Variants in PPFIA2 observed in about 807,000 individuals in gnomAD.
PPFIA2 encodes PPFI scaffold protein A2.
PPFIA2 carries 46 observed loss-of-function variants against 175.5 expected under a neutral mutation model. The observed-to-expected ratio is 0.26, with a 90% CI of 0.21 to 0.34. The LOEUF is 0.34. Among genes scored for constraint, PPFIA2 ranks in the 10% least tolerant of loss-of-function variants. The pLI, the probability that PPFIA2 is intolerant of heterozygous loss-of-function variation, is 1.00. For synonymous variants in PPFIA2, 568 were observed against 511.4 expected, an observed-to-expected ratio of 1.11 and a Z score of -1.49; for missense variants, 1,179 against 1,506.1, an observed-to-expected ratio of 0.78 and a Z score of 3.60.
chr12:81,688,066 A>T (rs1347504215), intron 3 of PPFIA2, among the ~76,000 whole-genome samples: 1 of 152,020 alleles, frequency 6.6e-6, no homozygotes, highest in Non-Finnish European at 1.5e-5. Context: ...ATTTCCCCAC[A>T]TAGTCTTACA....
chr12:81,434,800 A>G (rs1417834661), intron 7 of PPFIA2, among the ~76,000 whole-genome samples: 3 of 152,092 alleles, frequency 2.0e-5, no homozygotes, highest in African/African-American at 4.8e-5. Context: ...TCTGACTCTA[A>G]AACAACTTTA....
At chr12:81,732,537 A>G (rs995785865) in intron 3 of PPFIA2, among the ~76,000 whole-genome samples, 2 of 150,454 alleles carry the variant, frequency 1.3e-5, no homozygotes, top group Non-Finnish European at 3.0e-5. Flanking sequence ...AAACACTCAC[A>G]CACACAACAG....
chr12:81,739,248 C>T (rs1441507416), intron 3 of PPFIA2, among the ~76,000 whole-genome samples: 2 of 151,838 alleles, frequency 1.3e-5, no homozygotes, highest in Non-Finnish European at 2.9e-5. Flanking sequence ...GTTACTAAAA[C>T]TTATGATTTC....
intron 4 of PPFIA2, among the ~76,000 whole-genome samples, chr12:81,618,147 G>T (rs1254776313): frequency 6.6e-6 from 1 of 152,056 alleles, no homozygotes; most frequent in Non-Finnish European, 1.5e-5. Flanking sequence ...CTTCTGAGAG[G>T]CCCAGTCTAA....
chr12:81,609,197 C>A (rs535551510), intron 4 of PPFIA2, among the ~76,000 whole-genome samples: 2 of 151,902 alleles, frequency 1.3e-5, no homozygotes, highest in East Asian at 3.9e-4. Flanking sequence ...TATGAGTAAG[C>A]ATGTCATCAA....
chr12:81,390,040 T>C (rs1384420144), intron 8 of PPFIA2, among the ~76,000 whole-genome samples: 6 of 152,084 alleles, frequency 3.9e-5, no homozygotes, highest in Non-Finnish European at 1.5e-5. Context: ...GCTGAACATG[T>C]GTTCTTTCGT....
intron 1 of PPFIA2, 34 bp from the exon 2 acceptor site, chr12:81,758,541 A>G: frequency 2.5e-6 from 1 of 393,052 alleles, no homozygotes; most frequent in Non-Finnish European, 5.3e-6. Context: ...GCTCAGACAC[A>G]CGCGTGCCCC....
intron 21 of PPFIA2, among the ~76,000 whole-genome samples, chr12:81,336,774 C>T (rs2057199746): frequency 6.6e-6 from 1 of 152,092 alleles, no homozygotes; most frequent in South Asian, 2.1e-4. Flanking sequence ...ATCTCTTTCC[C>T]GTAGTTCTTT....
At position 81,337,354 on chromosome 12, in the gene PPFIA2, A is replaced by G. The variant is rs530014065; in HGVS notation, c.2548+1826T>C. 2.6e-5 allele frequency among the ~76,000 whole-genome samples: 4 copies of G among 152,262 alleles called. No homozygotes were observed. The East Asian group carries it at 7.7e-4, about 29-fold the overall frequency. ...TTACTCAGAGCTCAGAAACTTTCCCAGGTATAAACTGTGACCTGAATTAAC... is the reference window on the plus strand; with the variant it reads ...TTACTCAGAGCTCAGAAACTTTCCCGGGTATAAACTGTGACCTGAATTAAC... On this transcript the variant is annotated intron_variant, in intron 21 of 32. Transcript: ENST00000549396.
At chr12:81,377,744 A>T (rs2036709125) in intron 9 of PPFIA2, among the ~76,000 whole-genome samples, 1 of 151,902 alleles carries the variant, frequency 6.6e-6, no homozygotes, top group African/African-American at 2.4e-5. Flanking sequence ...CAATACTTTT[A>T]TTTCTTCCCC....
chr12:81,419,669 T>G (rs1266322111), intron 7 of PPFIA2, among the ~76,000 whole-genome samples: 1 of 152,140 alleles, frequency 6.6e-6, no homozygotes, highest in East Asian at 1.9e-4. Context: ...TAATTTCACT[T>G]TTTATATTTA....
chr12:81,294,883 C>T lies in PPFIA2; in HGVS notation c.2877G>A (p.Gln959=), dbSNP rs768702879. The T allele has an allele frequency of 2.2e-5, 35 of 1,613,428 alleles. No homozygotes were observed. The highest frequency in any genetic ancestry group is 3.0e-5 in the Non-Finnish European group (35 of 1,179,704). Residue 959 remains glutamine, a synonymous_variant, in exon 24 of 33, where the codon CAG becomes CAA. Coordinates refer to ENST00000549396, the MANE Select transcript of PPFIA2 (RefSeq NM_003625.5). ...LHRLKLRLAI[Q]EMVSLTSPSA... is the part of the protein sequence containing the mutation. ...AAGGACTTGTTAGGGAAACCATCTC[C>T]TGGATTGCTAATCGAAGTTTTAAGC...
chr12:81,696,429 G>A (rs2075900945), intron 3 of PPFIA2, among the ~76,000 whole-genome samples: 1 of 152,090 alleles, frequency 6.6e-6, no homozygotes, highest in Non-Finnish European at 1.5e-5. Flanking sequence ...AATTTCATCA[G>A]GAAGTATTGG....
intron 21 of PPFIA2, among the ~76,000 whole-genome samples, chr12:81,337,618 TA>T (rs560021603): frequency 4.5e-4 from 68 of 152,196 alleles, no homozygotes; most frequent in African/African-American, 1.5e-3. Context: ...AAATATGAAA[TA>T]AAAATATAAA....
chr12:81,643,192 T>C (rs957046263), intron 4 of PPFIA2, among the ~76,000 whole-genome samples: 4 of 151,530 alleles, frequency 2.6e-5, no homozygotes, highest in African/African-American at 9.7e-5. Context: ...AACACTCAAT[T>C]CAGTTGGTTA....
At chr12:81,629,653 C>A (rs1347309546) in intron 4 of PPFIA2, among the ~76,000 whole-genome samples, 1 of 152,162 alleles carries the variant, frequency 6.6e-6, no homozygotes, top group African/African-American at 2.4e-5. Flanking sequence ...TAAACATTAA[C>A]CTTTCATTCC....
chr12:81,348,426 T>A (rs2140672431), intron 17 of PPFIA2, among the ~76,000 whole-genome samples: 1 of 152,134 alleles, frequency 6.6e-6, no homozygotes, highest in African/African-American at 2.4e-5. Flanking sequence ...AATACATAAA[T>A]AATGAAAAAG....
intron 28 of PPFIA2, among the ~76,000 whole-genome samples, chr12:81,269,306 G>A (rs1321226349): frequency 1.3e-5 from 2 of 151,960 alleles, no homozygotes; most frequent in African/African-American, 4.8e-5. Context: ...CCATAGAAAG[G>A]GAAAGGAAAC....
At chr12:81,747,638 T>G (rs1483717972) in intron 3 of PPFIA2, among the ~76,000 whole-genome samples, 1 of 143,248 alleles carries the variant, frequency 7.0e-6, no homozygotes, top group Non-Finnish European at 1.6e-5. Context: ...TTCCAACTCA[T>G]TTGTTCCTCA....
Sources: gnomAD v4.1 joint callset for allele counts (sites outside exome capture counted in the v4.1 genomes callset) on GRCh38, gnomAD v4.1.1 for gene constraint, MANE v1.5 for transcripts, NCBI Gene and HGNC (gene_info 2026-07-23, HGNC 2026-07-21) for gene names.